Variants in CPLX1 observed in about 807,000 individuals in gnomAD.
The protein encoded by CPLX1 is complexin-1.
CPLX1 carries 6 observed loss-of-function variants against 15.6 expected under a neutral mutation model. The observed-to-expected ratio is 0.39, with a 90% CI of 0.21 to 0.76. The LOEUF (loss-of-function observed/expected upper bound fraction) is 0.76, where lower values mean the gene tolerates loss of function less well. CPLX1 is among the 30% of genes least tolerant of loss of function. CPLX1 has a pLI of 0.43. For missense variants in CPLX1, 242 were observed against 188.6 expected (o/e 1.28, Z -1.66); for synonymous variants, 91 against 75.2 (o/e 1.21, Z -1.08).
chr4:798,352 T>C (rs1475917005), intron 2 of CPLX1, among the ~76,000 whole-genome samples: 1 of 151,940 alleles, frequency 6.6e-6, no homozygotes, highest in Non-Finnish European at 1.5e-5. Flanking sequence ...CATACATATA[T>C]TGTCAATCGA....
At chr4:804,889 A>ACGCAGGCGGCAGCCATTTTGGAG in intron 2 of CPLX1, 1 of 985,252 alleles carries the variant, frequency 1.0e-6, no homozygotes, top group Non-Finnish European at 1.2e-6. Context: ...CCATTTTGGA[A>ACGCAGGCGGCAGCCATTTTGGAG]CGCAGGCGGC....
At chr4:812,179 A>C (rs955176941) in intron 2 of CPLX1, among the ~76,000 whole-genome samples, 2 of 152,046 alleles carry the variant, frequency 1.3e-5, no homozygotes, top group East Asian at 3.9e-4. Context: ...GGTTCACATG[A>C]TTCTCCTGCC....
chr4:792,423 C>A lies in CPLX1; in HGVS notation c.207+10G>T. The stretch of plus-strand genomic sequence containing the variant: ...CGCCTTCCCGCAGGCGGGGCCGGCC[C>A]GGCGCGCACCTTGTCTCGGATGCCC... On this transcript the variant is annotated intron_variant, in intron 3 of 3. Transcript: ENST00000304062. 6.5e-7 allele frequency: 1 copy of A among 1,532,986 alleles called. No homozygotes were observed. The highest frequency in any genetic ancestry group is 8.8e-7 in the Non-Finnish European group (1 of 1,141,580). 95.0% of individuals were successfully genotyped at this position (1,532,986 alleles called of 1,614,324 possible). A position where few individuals can be genotyped will look rare whatever the true frequency, so the allele number is the denominator to read the frequency against.
intron 3 of CPLX1, among the ~76,000 whole-genome samples, chr4:791,667 C>T (rs1746179411): frequency 6.6e-6 from 1 of 152,186 alleles, no homozygotes; most frequent in Non-Finnish European, 1.5e-5. Flanking sequence ...GGGCAGGGGA[C>T]TGAGGCCACC....
In CPLX1 at chr4:785,882, C is replaced by T. The variant is rs6816868; in HGVS notation, c.*619G>A. 40,481 of 152,174 alleles carry T rather than the reference C, an allele frequency of 0.27. 7,240 individuals carry two copies. Among genetic ancestry groups the T allele is most frequent in the African/African-American group, 0.51 (20,990 of 41,440 alleles). 9.4% of individuals were successfully genotyped at this position (152,174 alleles called of 1,614,324 possible). On this transcript the variant is annotated 3_prime_UTR_variant, in exon 4 of 4. Transcript: ENST00000304062. ...GTCCCCCAAACCTATTGCTTTGTTT[C>T]CTTTAGTTTAGAAGTGAACACGGCC... is the stretch of plus-strand genomic sequence containing the variant.
At chr4:825,905 GGAGAAGGGGGGCCGGGAA>G (rs1746976150) in intron 1 of CPLX1, 123 bp downstream of exon 1, 1 of 142,546 alleles carries the variant, frequency 7.0e-6, no homozygotes, top group African/African-American at 2.6e-5. Flanking sequence ...GGGGCCGCGG[GGAGAAGGGGGGCCGGGAA>G]GGAGAAACCG....
chr4:804,595 A>G (rs1746518988), intron 2 of CPLX1, among the ~76,000 whole-genome samples: 1 of 152,246 alleles, frequency 6.6e-6, no homozygotes, highest in African/African-American at 2.4e-5. Context: ...CGTCAGCCGC[A>G]TCAACAATAA....
intron 3 of CPLX1, chr4:787,412 T>C: frequency 1.0e-6 from 1 of 977,758 alleles, no homozygotes; most frequent in Non-Finnish European, 1.2e-6. Context: ...CAAATTCATA[T>C]TGCCTGGAGC....
intron 1 of CPLX1, 160 bp from the exon 2 acceptor site, chr4:824,761 A>T (rs763961041): frequency 1.4e-6 from 1 of 690,016 alleles, no homozygotes. Flanking sequence ...CTGTCCCCAC[A>T]CCCAAACCAG....
Position 814,336 on chromosome 4 carries a change from C to T in CPLX1, c.31+10156G>A, listed in dbSNP as rs569906371. Among the ~76,000 whole-genome samples, 26 of 152,296 alleles carry T rather than the reference C, an allele frequency of 1.7e-4. No individual in the cohort carries two copies. The South Asian group carries it at 3.3e-3, about 19-fold the overall frequency. Reference sequence around the variant, plus strand: ...CAAGTGATTCTCCTGCCTCACCCTCCTGAGCAGCTTGGACTACAGGTGCCT... The same window carrying T: ...CAAGTGATTCTCCTGCCTCACCCTCTTGAGCAGCTTGGACTACAGGTGCCT... On this transcript the variant is annotated intron_variant, in intron 2 of 3. Coordinates refer to ENST00000304062, the MANE Select transcript of CPLX1 (RefSeq NM_006651.4).
chr4:787,794 G>C (rs1249371722), intron 3 of CPLX1: 1 of 985,240 alleles, frequency 1.0e-6, no homozygotes, highest in Non-Finnish European at 1.2e-6. Context: ...CCTCCCGTGA[G>C]CCACCAGCCC....
intron 2 of CPLX1, among the ~76,000 whole-genome samples, chr4:797,307 C>G (rs1303711980): frequency 6.6e-6 from 1 of 152,186 alleles, no homozygotes; most frequent in African/African-American, 2.4e-5. Flanking sequence ...AGCTGCAGCC[C>G]TGGCACCTAG....
intron 2 of CPLX1, among the ~76,000 whole-genome samples, chr4:794,922 C>T (rs564005215): frequency 6.6e-6 from 1 of 152,340 alleles, no homozygotes; most frequent in Admixed American, 6.5e-5. Context: ...GTGTGCTGCG[C>T]TCTGCTCCAG....
chr4:807,254 C>T (rs757082339), intron 2 of CPLX1, among the ~76,000 whole-genome samples: 4 of 152,128 alleles, frequency 2.6e-5, no homozygotes, highest in East Asian at 1.9e-4. Context: ...TGTTCTCACT[C>T]GTAAGTGGGA....
chr4:802,259 A>C (rs1746473691), intron 2 of CPLX1, among the ~76,000 whole-genome samples: 1 of 152,242 alleles, frequency 6.6e-6, no homozygotes, highest in Non-Finnish European at 1.5e-5. Context: ...AACACGGGAG[A>C]ATCTCAAAGT....
At chr4:817,464 A>C (rs1345557006) in intron 2 of CPLX1, among the ~76,000 whole-genome samples, 1 of 151,828 alleles carries the variant, frequency 6.6e-6, no homozygotes, top group East Asian at 1.9e-4. Context: ...AGGCTGAGGC[A>C]GGAGAATCGC....
chr4:805,049 T>C, intron 2 of CPLX1: 1 of 574,848 alleles, frequency 1.7e-6, no homozygotes, highest in South Asian at 7.6e-5. Context: ...GCAGCGGCCC[T>C]GGCGTGTGGC....
chr4:824,764 C>A (rs1339271768), intron 1 of CPLX1, 163 bp from the exon 2 acceptor site: 1 of 688,606 alleles, frequency 1.5e-6, no homozygotes, highest in Admixed American at 2.0e-5. Context: ...TCCCCACACC[C>A]AAACCAGGAC....
intron 2 of CPLX1, among the ~76,000 whole-genome samples, chr4:801,454 A>C (rs1746458466): frequency 6.6e-6 from 1 of 152,268 alleles, no homozygotes; most frequent in African/African-American, 2.4e-5. Flanking sequence ...ATGGCAACTA[A>C]GTATAGTCAT....
Sources: gnomAD v4.1 joint callset for allele counts (sites outside exome capture counted in the v4.1 genomes callset) on GRCh38, gnomAD v4.1.1 for gene constraint, MANE v1.5 for transcripts, NCBI Gene and HGNC (gene_info 2026-07-23, HGNC 2026-07-21) for gene names.